NRXN1: variants seen among roughly 807,000 people sequenced by gnomAD.
NRXN1 encodes neurexin 1.
A neutral mutation model predicts 150.9 loss-of-function variants in NRXN1; 39 were observed. The ratio of observed to expected loss-of-function variants is 0.26; its 90% CI spans 0.20 to 0.34. NRXN1 has a LOEUF of 0.34. NRXN1 is among the 10% of genes least tolerant of loss of function. The probability of loss-of-function intolerance (pLI) is 1.00; values close to 1 mark genes in which losing one functional copy is unlikely to be tolerated. For missense variants in NRXN1, 1,815 were observed against 1,949.9 expected, an observed-to-expected ratio of 0.93 and a Z score of 1.30; for synonymous variants, 924 against 757.0, an observed-to-expected ratio of 1.22 and a Z score of -3.62.
chr2:50,076,399 G>C (rs1369501368), intron 19 of NRXN1, among the ~76,000 whole-genome samples: 1 of 152,124 alleles, frequency 6.6e-6, no homozygotes, highest in East Asian at 1.9e-4. Flanking sequence ...CTTTTACTCA[G>C]CACTTACTAC....
At chr2:50,620,290 G>T in intron 7 of NRXN1, 107 bp from the exon 8 acceptor site, 4 of 1,278,878 alleles carry the variant, frequency 3.1e-6, no homozygotes, top group Non-Finnish European at 4.2e-6. Context: ...GTTTTGTTTT[G>T]TTTTGCTTTT....
chr2:50,045,350 T>A (rs568806661), intron 21 of NRXN1, among the ~76,000 whole-genome samples: 18 of 152,304 alleles, frequency 1.2e-4, no homozygotes, highest in African/African-American at 4.1e-4. Context: ...CAAAATTATC[T>A]TTTTTGTTTT....
At chr2:50,633,704 G>C (rs1223881418) in intron 5 of NRXN1, among the ~76,000 whole-genome samples, 2 of 152,022 alleles carry the variant, frequency 1.3e-5, no homozygotes, top group Non-Finnish European at 2.9e-5. Flanking sequence ...CACAGAAAGA[G>C]CATAGAATCC....
intron 5 of NRXN1, among the ~76,000 whole-genome samples, chr2:50,770,885 T>C (rs1001572429): frequency 3.3e-5 from 5 of 152,100 alleles, no homozygotes; most frequent in African/African-American, 1.2e-4. Context: ...ATACTTCAGA[T>C]ATTCAATACA....
chr2:50,721,330 C>A, intron 5 of NRXN1, among the ~76,000 whole-genome samples: 1 of 152,172 alleles, frequency 6.6e-6, no homozygotes, highest in East Asian at 1.9e-4. Flanking sequence ...ATAAAATCAG[C>A]TCTAGTTTGT....
chr2:50,740,868 G>C (rs909201994), intron 5 of NRXN1, among the ~76,000 whole-genome samples: 1 of 152,134 alleles, frequency 6.6e-6, no homozygotes, highest in Non-Finnish European at 1.5e-5. Context: ...CACTTTTGGA[G>C]TATCTGTCAT....
At chr2:50,082,033 T>C (rs940377775) in intron 19 of NRXN1, among the ~76,000 whole-genome samples, 1 of 152,206 alleles carries the variant, frequency 6.6e-6, no homozygotes, top group African/African-American at 2.4e-5. Flanking sequence ...TGAAGTTTCC[T>C]AAAAACCTAA....
intron 17 of NRXN1, among the ~76,000 whole-genome samples, chr2:50,268,213 A>G (rs1344474187): frequency 6.6e-6 from 1 of 152,128 alleles, no homozygotes; most frequent in African/African-American, 2.4e-5. Flanking sequence ...AAATAAAATA[A>G]AATTCTGTGA....
chr2:50,197,246 T>C (rs972196794), intron 18 of NRXN1, among the ~76,000 whole-genome samples: 4 of 152,318 alleles, frequency 2.6e-5, no homozygotes, highest in African/African-American at 7.2e-5. Flanking sequence ...TCTCTTATTT[T>C]GTCACCTGGG....
chr2:50,350,781 G>C (rs2078353944), intron 17 of NRXN1, among the ~76,000 whole-genome samples: 1 of 152,134 alleles, frequency 6.6e-6, no homozygotes, highest in African/African-American at 2.4e-5. Context: ...GGGAGATAAA[G>C]GCAGGGTTAG....
At chr2:50,482,313 C>A (rs1389374682) in intron 15 of NRXN1, among the ~76,000 whole-genome samples, 1 of 152,064 alleles carries the variant, frequency 6.6e-6, no homozygotes, top group Non-Finnish European at 1.5e-5. Context: ...AGATGGGGTG[C>A]GAGTTCAGGG....
At chr2:50,429,244 G>T (rs1418788998) in intron 17 of NRXN1, among the ~76,000 whole-genome samples, 1 of 149,026 alleles carries the variant, frequency 6.7e-6, no homozygotes. Context: ...CTTTTTTTAG[G>T]AAAAAAAAAT....
chr2:50,800,809 C>A (rs1310720425), intron 5 of NRXN1, among the ~76,000 whole-genome samples: 1 of 152,150 alleles, frequency 6.6e-6, no homozygotes, highest in African/African-American at 2.4e-5. Context: ...CCCAGCCTCA[C>A]AAAGTGCTGG....
At chr2:50,812,855 T>C (rs1269738676) in intron 5 of NRXN1, among the ~76,000 whole-genome samples, 2 of 151,364 alleles carry the variant, frequency 1.3e-5, no homozygotes, top group Non-Finnish European at 1.5e-5. Context: ...ACTGATCTAG[T>C]GAGTTTTTTT....
intron 5 of NRXN1, among the ~76,000 whole-genome samples, chr2:50,915,064 C>G (rs1685027091): frequency 6.6e-6 from 1 of 151,614 alleles, no homozygotes; most frequent in African/African-American, 2.4e-5. Flanking sequence ...TATGGAAGTT[C>G]AGGAGACGGC....
At chr2:50,770,341 TATGATAG>T (rs1206400264) in intron 5 of NRXN1, among the ~76,000 whole-genome samples, 1 of 151,692 alleles carries the variant, frequency 6.6e-6, no homozygotes, top group Non-Finnish European at 1.5e-5. Flanking sequence ...TATATATATA[TATGATAG>T]ATGATAGATA....
intron 2 of NRXN1, among the ~76,000 whole-genome samples, chr2:50,940,361 G>A (rs766627368): frequency 1.3e-5 from 2 of 151,812 alleles, no homozygotes; most frequent in Non-Finnish European, 2.9e-5. Flanking sequence ...TGCAGTCCCA[G>A]CTACATGGGA....
chr2:50,854,989 G>A (rs1039264573), intron 5 of NRXN1, among the ~76,000 whole-genome samples: 3 of 151,902 alleles, frequency 2.0e-5, no homozygotes, highest in African/African-American at 7.2e-5. Flanking sequence ...TATGTGCAGG[G>A]CCTGAAAACC....
At chr2:50,070,598 G>A (rs12477802) in intron 19 of NRXN1, among the ~76,000 whole-genome samples, 89,667 of 150,834 alleles carry the variant, frequency 0.59, 27,061 homozygotes, top group Middle Eastern at 0.67. Context: ...GTGAAACCCC[G>A]TCTCTACTAA....
Sources: allele counts gnomAD v4.1 joint callset (sites outside exome capture counted in the v4.1 genomes callset), GRCh38; gene constraint gnomAD v4.1.1; transcripts MANE v1.5; gene names NCBI Gene and HGNC (gene_info 2026-07-23, HGNC 2026-07-21).